The following TLL1 variants were observed in gnomAD, a reference collection of about 807,000 sequenced individuals.
The protein encoded by TLL1 is tolloid like 1.
In TLL1, 49 loss-of-function variants were observed where a neutral mutation model predicts 128.2. That is an observed-to-expected ratio of 0.38 (90% confidence interval 0.30 to 0.48). The LOEUF is 0.48. Ranked by LOEUF, TLL1 falls within the 20% of genes least tolerant of loss-of-function variation. The probability of loss-of-function intolerance (pLI) is 0.96; values close to 1 mark genes in which losing one functional copy is unlikely to be tolerated. For synonymous variants in TLL1, 454 were observed against 418.8 expected (o/e 1.08, Z -1.03); for missense variants, 1,123 against 1,242.0 (o/e 0.90, Z 1.44).
chr4:165,979,715 G>A (rs1736063041), intron 1 of TLL1, among the ~76,000 whole-genome samples: 1 of 152,140 alleles, frequency 6.6e-6, no homozygotes, highest in African/African-American at 2.4e-5. Context: ...TTGAGCCCAA[G>A]GAATTTGAGG....
chr4:165,998,852 G>A (rs1030859987), intron 5 of TLL1, among the ~76,000 whole-genome samples: 1 of 151,468 alleles, frequency 6.6e-6, no homozygotes, highest in Non-Finnish European at 1.5e-5. Context: ...TTCTCATTTT[G>A]TCCCACTTAA....
intron 1 of TLL1, among the ~76,000 whole-genome samples, chr4:165,924,538 A>T (rs1245391405): frequency 2.0e-5 from 3 of 152,226 alleles, no homozygotes; most frequent in Middle Eastern, 6.3e-3. Context: ...AGGCTAGCAG[A>T]GGTTAGCTCA....
chr4:165,944,614 G>A (rs1734159436), intron 1 of TLL1, among the ~76,000 whole-genome samples: 1 of 152,060 alleles, frequency 6.6e-6, no homozygotes, highest in South Asian at 2.1e-4. Flanking sequence ...ATTTTAGAGT[G>A]TTTAAATTTG....
At chr4:166,014,690 C>A in intron 8 of TLL1, 130 bp downstream of exon 8, 2 of 1,394,136 alleles carry the variant, frequency 1.4e-6, no homozygotes, top group South Asian at 1.2e-5. Flanking sequence ...AGTTCAAAGT[C>A]AGTAATCATA....
At chr4:165,924,896 T>C (rs1733199699) in intron 1 of TLL1, among the ~76,000 whole-genome samples, 1 of 152,202 alleles carries the variant, frequency 6.6e-6, no homozygotes, top group Admixed American at 6.5e-5. Flanking sequence ...TTATACTAAA[T>C]CTACTCTGCC....
chr4:166,071,134 T>G (rs2111132444), intron 16 of TLL1, among the ~76,000 whole-genome samples: 1 of 152,068 alleles, frequency 6.6e-6, no homozygotes, highest in South Asian at 2.1e-4. Context: ...ATACCTGCTC[T>G]TGTATGTTTC....
chr4:165,976,034 C>CAAAAAAAA lies in TLL1; in HGVS notation c.170-13330_170-13323dup, dbSNP rs1169297533. On this transcript the variant is annotated intron_variant, in intron 1 of 20. Transcript: ENST00000061240. ...TGGGTAACAGAGTGAGATTCCATCT[C>CAAAAAAAA]AAAAAAAAAAAAAAAAAAAAAAAAG... Among the ~76,000 whole-genome samples the CAAAAAAAA allele has an allele frequency of 9.4e-4, 68 of 72,052 alleles. 4 individuals are homozygous for CAAAAAAAA. Among genetic ancestry groups the CAAAAAAAA allele is most frequent in the African/African-American group, 2.7e-3 (56 of 20,624 alleles). The allele number at this position is 72,052 out of a possible 152,430, so 47.3% of individuals were successfully genotyped here.
intron 2 of TLL1, among the ~76,000 whole-genome samples, chr4:165,991,874 T>C (rs1228450001): frequency 2.6e-5 from 4 of 151,964 alleles, no homozygotes; most frequent in Admixed American, 6.6e-5. Context: ...AAGATGTCAT[T>C]AGTGGCTGTA....
chr4:165,879,785 G>A (rs970268263), intron 1 of TLL1, among the ~76,000 whole-genome samples: 4 of 152,056 alleles, frequency 2.6e-5, no homozygotes, highest in African/African-American at 7.2e-5. Flanking sequence ...TCAGAACTCC[G>A]CCCTGCAGCA....
chr4:166,002,497 C>T (rs983822489), intron 5 of TLL1, among the ~76,000 whole-genome samples: 1 of 151,904 alleles, frequency 6.6e-6, no homozygotes, highest in Non-Finnish European at 1.5e-5. Flanking sequence ...CAGGCTGGAG[C>T]GCAGTGGTAC....
intron 1 of TLL1, among the ~76,000 whole-genome samples, chr4:165,911,912 G>C (rs1732549999): frequency 2.6e-5 from 4 of 152,066 alleles, no homozygotes. Flanking sequence ...GTCTCGCTCT[G>C]TCGCCTAGGC....
At chr4:165,976,712 G>C (rs921863398) in intron 1 of TLL1, among the ~76,000 whole-genome samples, 9 of 152,114 alleles carry the variant, frequency 5.9e-5, no homozygotes, top group African/African-American at 1.9e-4. Context: ...AGAATAAAAG[G>C]CTTAGATATA....
At chr4:166,082,068 A>G (rs1017751457) in intron 18 of TLL1, among the ~76,000 whole-genome samples, 2 of 152,180 alleles carry the variant, frequency 1.3e-5, no homozygotes, top group Admixed American at 6.5e-5. Context: ...GCAAAATGAG[A>G]GCTTTCACAC....
At chr4:165,994,570 AT>A (rs765532749) in intron 4 of TLL1, 37 bp downstream of exon 4, 3 of 1,607,938 alleles carry the variant, frequency 1.9e-6, no homozygotes, top group Non-Finnish European at 2.6e-6. Flanking sequence ...TCATAAAGAA[AT>A]AAAAACTATC....
chr4:165,964,996 ATCTT>A (rs983566822), intron 1 of TLL1, among the ~76,000 whole-genome samples: 33 of 152,266 alleles, frequency 2.2e-4, no homozygotes, highest in African/African-American at 7.7e-4. Context: ...AGATCCATCT[ATCTT>A]AATTACCCAT....
At chr4:165,976,034 CAAAAAAA>C (rs1169297533) in intron 1 of TLL1, among the ~76,000 whole-genome samples, 12 of 72,088 alleles carry the variant, frequency 1.7e-4, no homozygotes, top group Admixed American at 1.3e-3. Flanking sequence ...GATTCCATCT[CAAAAAAA>C]AAAAAAAAAA....
rs1042579063 is a variant in TLL1 at position 166,102,676 on chromosome 4, T to A, written c.*1800T>A. ...GTGTATTCTTTCAGTTTTACACAAT[T>A]AAAGTATACACACAGATGTAGCTTA... On this transcript the variant is annotated 3_prime_UTR_variant, in exon 21 of 21. Transcript: ENST00000061240. 1 of 152,024 alleles carries A rather than the reference T, an allele frequency of 6.6e-6. No homozygotes were observed. Among genetic ancestry groups the A allele is most frequent in the Non-Finnish European group, 1.5e-5 (1 of 67,914 alleles). The allele number at this position is 152,024 out of a possible 1,614,324, so 9.4% of individuals were successfully genotyped here.
chr4:166,065,926 G>A (rs931333143), intron 16 of TLL1, 63 bp downstream of exon 16: 80 of 1,534,710 alleles, frequency 5.2e-5, no homozygotes, highest in Non-Finnish European at 6.6e-5. Flanking sequence ...GGATTAAATT[G>A]TATGTGATCT....
intron 14 of TLL1, among the ~76,000 whole-genome samples, chr4:166,057,738 G>A (rs978661222): frequency 4.6e-5 from 7 of 152,096 alleles, no homozygotes; most frequent in African/African-American, 7.2e-5. Flanking sequence ...ATATGGCAGC[G>A]AGCCAGAAAG....
Sources: gnomAD v4.1 joint callset for allele counts (sites outside exome capture counted in the v4.1 genomes callset) on GRCh38, gnomAD v4.1.1 for gene constraint, MANE v1.5 for transcripts, NCBI Gene and HGNC (gene_info 2026-07-23, HGNC 2026-07-21) for gene names.